MYO10: variants seen among roughly 807,000 people sequenced by gnomAD.
MYO10 encodes the protein unconventional myosin-X.
A neutral mutation model predicts 257.3 loss-of-function variants in MYO10; 133 were observed. That is an observed-to-expected ratio of 0.52 (90% confidence interval 0.45 to 0.60). The LOEUF is 0.60. Ranked by LOEUF, MYO10 falls within the 20% of genes least tolerant of loss-of-function variation. The pLI is 0.00. For missense variants in MYO10, 2,399 were observed against 2,635.7 expected (o/e 0.91, Z 1.97); for synonymous variants, 1,104 against 1,028.6 (o/e 1.07, Z -1.40).
intron 3 of MYO10, chr5:16,815,119 A>C (rs1742564027): frequency 1.8e-5 from 4 of 220,972 alleles, no homozygotes. Flanking sequence ...ACTTTAGCTC[A>C]GGAGTTTGAG....
At chr5:16,725,425 A>C (rs1561211398) in intron 19 of MYO10, among the ~76,000 whole-genome samples, 1 of 152,062 alleles carries the variant, frequency 6.6e-6, no homozygotes, top group Non-Finnish European at 1.5e-5. Context: ...AAAATCGAGT[A>C]ATAAAAATAG....
chr5:16,671,080 A>G (rs1053679054), intron 38 of MYO10, 102 bp from the exon 39 acceptor site: 4 of 1,073,548 alleles, frequency 3.7e-6, no homozygotes, highest in Non-Finnish European at 5.3e-6. Context: ...TCTCAAACTC[A>G]CCTTCCCTGA....
chr5:16,908,003 C>A (rs1306821564), intron 1 of MYO10, among the ~76,000 whole-genome samples: 1 of 151,970 alleles, frequency 6.6e-6, no homozygotes, highest in African/African-American at 2.4e-5. Context: ...GAGGCCAAGG[C>A]AGGTGGATCA....
intron 3 of MYO10, among the ~76,000 whole-genome samples, chr5:16,810,448 C>T (rs1742402678): frequency 6.6e-6 from 1 of 152,194 alleles, no homozygotes; most frequent in Non-Finnish European, 1.5e-5. Context: ...AGCCATATCA[C>T]TTCCCTCTTA....
intron 19 of MYO10, among the ~76,000 whole-genome samples, chr5:16,724,022 G>A (rs1344354901): frequency 6.6e-6 from 1 of 152,140 alleles, no homozygotes; most frequent in Non-Finnish European, 1.5e-5. Context: ...TGTAATGGTG[G>A]ATACATGACA....
intron 1 of MYO10, among the ~76,000 whole-genome samples, chr5:16,911,299 C>T (rs1392310436): frequency 6.6e-6 from 1 of 152,204 alleles, no homozygotes; most frequent in Non-Finnish European, 1.5e-5. Context: ...CAAAGGAAAA[C>T]ATAAGCCATT....
chr5:16,738,367 T>A (rs1402662185), intron 19 of MYO10: 1 of 985,334 alleles, frequency 1.0e-6, no homozygotes, highest in Non-Finnish European at 1.2e-6. Flanking sequence ...GGAAGCTTCC[T>A]GCAGAAGGGT....
At chr5:16,713,525 G>A (rs1169204959) in intron 19 of MYO10, 2 of 981,852 alleles carry the variant, frequency 2.0e-6, no homozygotes, top group African/African-American at 1.8e-5. Flanking sequence ...TTAGTGTGGT[G>A]TGGTTGTAGG....
At chr5:16,672,574 AAACT>A (rs1282677822) in intron 37 of MYO10, 111 bp downstream of exon 37, 2 of 1,276,042 alleles carry the variant, frequency 1.6e-6, no homozygotes, top group African/African-American at 1.5e-5. Context: ...AGGTAAAATA[AAACT>A]AACTCCAATA....
At chr5:16,830,241 A>T (rs1299468609) in intron 2 of MYO10, among the ~76,000 whole-genome samples, 2 of 152,162 alleles carry the variant, frequency 1.3e-5, no homozygotes, top group Non-Finnish European at 2.9e-5. Context: ...ATCTCAAAAA[A>T]AAAAAGGGAA....
rs935030629 is a variant in MYO10 at position 16,689,811 on chromosome 5, A to G, written c.3896+13T>C. ...AGGATGTGGGTAACACAAAGTCAAC[A>G]GCGCAGACTCACCTGGCATCTTCTG... On this transcript the variant is annotated intron_variant, in intron 28 of 40. Transcript: ENST00000513610. 6.3e-6 allele frequency: 10 copies of G among 1,595,972 alleles called. No homozygotes were observed. Among genetic ancestry groups the G allele is most frequent in the Non-Finnish European group, 8.6e-6 (10 of 1,163,714 alleles).
chr5:16,809,005 G>GA (rs11291757), intron 3 of MYO10, among the ~76,000 whole-genome samples: 32 of 150,050 alleles, frequency 2.1e-4, no homozygotes, highest in East Asian at 9.8e-4. Context: ...AGACAAGGAA[G>GA]AAAAAAAAAA....
In MYO10 at chr5:16,671,523, C is replaced by A; in HGVS notation, c.5329G>T (p.Val1777Phe). ...KFEKLAATSE[V>F]GDLPWKFYFK... ...TAGAATTTCCATGGCAGGTCCCCAA[C>A]CTCGGATGTGGCAGCCAGCCTACAG... Residue 1777 changes from valine to phenylalanine, a missense_variant, in exon 38 of 41, where the codon GTT becomes TTT. This residue lies in a region of MYO10 where 1,820 missense variants were observed against 1,939.4 expected (regional missense o/e 0.94). Transcript: ENST00000513610. 6.2e-7 allele frequency: 1 copy of A among 1,613,970 alleles called. No homozygotes were observed.
intron 1 of MYO10, among the ~76,000 whole-genome samples, chr5:16,930,902 G>A (rs569719228): frequency 1.8e-4 from 27 of 152,262 alleles, no homozygotes; most frequent in African/African-American, 6.0e-4. Context: ...ATTCTTGAAC[G>A]TCCCCTACTA....
At chr5:16,762,465 G>C (rs762849182) in intron 15 of MYO10, 80 bp downstream of exon 15, 11 of 1,127,818 alleles carry the variant, frequency 9.8e-6, no homozygotes, top group Admixed American at 2.3e-5. Context: ...TTGGGCCAGC[G>C]GACTGACATG....
intron 1 of MYO10, among the ~76,000 whole-genome samples, chr5:16,908,599 T>C (rs560570153): frequency 6.6e-6 from 1 of 152,290 alleles, no homozygotes; most frequent in Non-Finnish European, 1.5e-5. Context: ...TTGGGAAATA[T>C]GCCATGACAC....
intron 3 of MYO10, among the ~76,000 whole-genome samples, chr5:16,811,643 C>T (rs6894985): frequency 0.046 from 6,993 of 152,194 alleles, 525 homozygotes; most frequent in African/African-American, 0.16. Context: ...TCAACCTCCC[C>T]GGCTCAGGCA....
At chr5:16,899,481 CA>C (rs1745313810) in intron 1 of MYO10, among the ~76,000 whole-genome samples, 1 of 150,864 alleles carries the variant, frequency 6.6e-6, no homozygotes, top group African/African-American at 2.4e-5. Flanking sequence ...ACTAAACATA[CA>C]AAAAATTAGC....
intron 1 of MYO10, among the ~76,000 whole-genome samples, chr5:16,915,829 C>T (rs1009930276): frequency 2.0e-5 from 3 of 152,100 alleles, no homozygotes; most frequent in Non-Finnish European, 4.4e-5. Context: ...TGGTGGCATG[C>T]ACCTGTAGTC....
Sources: gnomAD v4.1 joint callset for allele counts (sites outside exome capture counted in the v4.1 genomes callset) on GRCh38, gnomAD v4.1.1 for gene constraint, gnomAD v4.1.1 regional missense constraint, MANE v1.5 for transcripts, NCBI Gene and HGNC (gene_info 2026-07-23, HGNC 2026-07-21) for gene names.